BICRA: variants seen among roughly 807,000 people sequenced by gnomAD.
BICRA encodes the protein BRD4-interacting chromatin-remodeling complex-associated protein.
A neutral mutation model predicts 96.9 loss-of-function variants in BICRA; 31 were observed. The observed-to-expected ratio is 0.32, with a 90% CI of 0.24 to 0.43. BICRA has a LOEUF of 0.43. Among genes scored for constraint, BICRA ranks in the 20% least tolerant of loss-of-function variants. The pLI is 1.00. For synonymous variants in BICRA, 1,350 were observed against 1,071.8 expected, an observed-to-expected ratio of 1.26 and a Z score of -5.07; for missense variants, 2,283 against 2,190.3, an observed-to-expected ratio of 1.04 and a Z score of -0.84.
At chr19:47,660,793 C>G (rs1972692457) in intron 1 of BICRA, among the ~76,000 whole-genome samples, 1 of 152,194 alleles carries the variant, frequency 6.6e-6, no homozygotes, top group Admixed American at 6.5e-5. Context: ...GGTTCAAATC[C>G]TGGCTCTTGG....
intron 1 of BICRA, among the ~76,000 whole-genome samples, chr19:47,614,679 G>GTC (rs1373124208): frequency 2.0e-5 from 3 of 152,176 alleles, no homozygotes; most frequent in African/African-American, 7.2e-5. Flanking sequence ...TGGTAGTCTG[G>GTC]TCTATGCATT....
At chr19:47,691,161 T>C (rs1371334176) in intron 7 of BICRA, among the ~76,000 whole-genome samples, 2 of 152,240 alleles carry the variant, frequency 1.3e-5, no homozygotes, top group Non-Finnish European at 2.9e-5. Context: ...CGCTCACTTG[T>C]GTGGCTATTA....
intron 1 of BICRA, among the ~76,000 whole-genome samples, chr19:47,667,168 A>G (rs201977985): frequency 1.5e-3 from 233 of 151,556 alleles, no homozygotes; most frequent in African/African-American, 3.4e-3. Context: ...ACAGGCGCCC[A>G]CCCCCACGCC....
At chr19:47,611,031 A>G (rs1971898789) in intron 1 of BICRA, among the ~76,000 whole-genome samples, 1 of 152,252 alleles carries the variant, frequency 6.6e-6, no homozygotes, top group Non-Finnish European at 1.5e-5. Flanking sequence ...GGAAATAGAG[A>G]CGGGACAGAC....
Position 47,659,685 on chromosome 19 carries a change from TACACACACACACACAC to T in BICRA, c.-107-10725_-107-10710del, listed in dbSNP as rs10567798. Reference sequence around the variant, plus strand: ...CTGTGCAGCTGTACATGGTGGTGCATACACACACACACACACACACACACACACACACACACACACA... The same window carrying T: ...CTGTGCAGCTGTACATGGTGGTGCATACACACACACACACACACACACACA... On this transcript the variant is annotated intron_variant, in intron 1 of 14. Transcript: ENST00000594866. Among the ~76,000 whole-genome samples, 143 of 132,504 alleles carry T rather than the reference TACACACACACACACAC, an allele frequency of 1.1e-3. 1 individual carries two copies. Among genetic ancestry groups the T allele is most frequent in the African/African-American group, 3.3e-3 (118 of 35,758 alleles). The allele number at this position is 132,504 out of a possible 152,430, so 86.9% of individuals were successfully genotyped here. A position where few individuals can be genotyped will look rare whatever the true frequency, so the allele number is the denominator to read the frequency against.
At chr19:47,691,697 G>A (rs1003879126) in intron 7 of BICRA, among the ~76,000 whole-genome samples, 1 of 151,958 alleles carries the variant, frequency 6.6e-6, no homozygotes, top group Non-Finnish European at 1.5e-5. Flanking sequence ...CTGAGTGGCC[G>A]GGATTACAGG....
rs1400308790 is a variant in BICRA at position 47,701,850 on chromosome 19, G to T, written c.4118G>T (p.Arg1373Leu). Residue 1373 changes from arginine to leucine, a missense_variant, in exon 15 of 15, where the codon CGC becomes CTC. Physicochemically the swap from Arg to Leu is moderately radical, Grantham distance 102. Coordinates refer to ENST00000594866, the MANE Select transcript of BICRA (RefSeq NM_001394372.1). This position sits in a 1 kb window ranked among gnomAD's most constrained non-coding sequence, Gnocchi z 5.4. Reference sequence around the variant, plus strand: ...CACCCGCCGCCTGCCGCCCCCGAGCGCAAGCCCCTGGGCACCGCCCCGCAC... The same window carrying T: ...CACCCGCCGCCTGCCGCCCCCGAGCTCAAGCCCCTGGGCACCGCCCCGCAC... ...VDHPPPAAPE[R>L]KPLGTAPHCP... is the part of the protein sequence containing the mutation. 5 of 1,514,086 alleles carry T rather than the reference G, an allele frequency of 3.3e-6. No individual in the cohort carries two copies. In the Admixed American group the frequency reaches 1.0e-4, roughly 31 times the overall value. The allele number at this position is 1,514,086 out of a possible 1,614,324, so 93.8% of individuals were successfully genotyped here.
chr19:47,688,551 G>A (rs1599859192), intron 7 of BICRA, among the ~76,000 whole-genome samples: 1 of 152,228 alleles, frequency 6.6e-6, no homozygotes, highest in Non-Finnish European at 1.5e-5. Context: ...AACATTTTGG[G>A]AAGCCGAGTT....
At chr19:47,670,399 C>G (rs1031310237) in intron 1 of BICRA, 44 bp from the exon 2 acceptor site, 35 of 152,390 alleles carry the variant, frequency 2.3e-4, no homozygotes, top group African/African-American at 7.9e-4. Context: ...TTTTCCTTTT[C>G]GCTGACTTTC....
chr19:47,693,697 TCGC>T (rs1488045526), intron 7 of BICRA, among the ~76,000 whole-genome samples: 1 of 152,146 alleles, frequency 6.6e-6, no homozygotes, highest in Non-Finnish European at 1.5e-5. Flanking sequence ...GCTGCTGTGC[TCGC>T]CGCCCGGCCC....
In BICRA at chr19:47,634,623, AAAAC is replaced by A. The variant is rs1010771922; in HGVS notation, c.-108+25463_-108+25466del. Among the ~76,000 whole-genome samples the A allele has an allele frequency of 3.9e-5, 6 of 152,172 alleles. 1 individual carries two copies. The highest frequency in any genetic ancestry group is 4.2e-4 in the South Asian group (2 of 4,812). On this transcript the variant is annotated intron_variant, in intron 1 of 14. Transcript: ENST00000594866. ...CCCCAGGAAGAAACCCATAAAAACC[AAAAC>A]AAACAAAGCCTGCTTCTCTCCATCT...
chr19:47,698,860 C>A lies in BICRA; in HGVS notation c.3397+78C>A. The A allele has an allele frequency of 7.2e-7, 1 of 1,385,958 alleles. No homozygotes were observed. The highest frequency in any genetic ancestry group is 1.0e-6 in the Non-Finnish European group (1 of 997,388). 85.9% of individuals were successfully genotyped at this position (1,385,958 alleles called of 1,614,324 possible). A position where few individuals can be genotyped will look rare whatever the true frequency, so the allele number is the denominator to read the frequency against. On this transcript the variant is annotated intron_variant, in intron 12 of 14. Transcript: ENST00000594866. This position sits in a 1 kb window ranked among gnomAD's most constrained non-coding sequence, Gnocchi z 4.8. The stretch of plus-strand genomic sequence containing the variant: ...GGGGCGGGGCGTCGCCAGTGTGGAG[C>A]CGCAGGTCCACGGTGCGCTATGCTG...
chr19:47,684,625 C>T (rs1235294236), intron 7 of BICRA, among the ~76,000 whole-genome samples: 2 of 152,122 alleles, frequency 1.3e-5, no homozygotes, highest in African/African-American at 4.8e-5. Flanking sequence ...CGGCCTAGCA[C>T]TCTCTCATTT....
rs1973457478 is a variant in BICRA at position 47,701,857 on chromosome 19, C to A, written c.4125C>A (p.Pro1375=). 1 of 1,508,564 alleles carries A rather than the reference C, an allele frequency of 6.6e-7. No homozygotes were observed. Among genetic ancestry groups the A allele is most frequent in the Non-Finnish European group, 8.8e-7 (1 of 1,132,560 alleles). The allele number at this position is 1,508,564 out of a possible 1,614,324, so 93.4% of individuals were successfully genotyped here. Residue 1375 remains proline, a synonymous_variant, in exon 15 of 15, where the codon CCC becomes CCA. Coordinates refer to ENST00000594866, the MANE Select transcript of BICRA (RefSeq NM_001394372.1). This position sits in a 1 kb window ranked among gnomAD's most constrained non-coding sequence, Gnocchi z 5.4. ...CGCCTGCCGCCCCCGAGCGCAAGCC[C>A]CTGGGCACCGCCCCGCACTGCCCGC... ...HPPPAAPERK[P]LGTAPHCPRL...
chr19:47,624,140 C>T (rs528613476), intron 1 of BICRA, among the ~76,000 whole-genome samples: 2 of 152,300 alleles, frequency 1.3e-5, no homozygotes, highest in South Asian at 4.1e-4. Flanking sequence ...CGTGAGCCAA[C>T]ATGCCCGGCA....
At chr19:47,640,538 A>C (rs1467327300) in intron 1 of BICRA, among the ~76,000 whole-genome samples, 1 of 151,828 alleles carries the variant, frequency 6.6e-6, no homozygotes, top group Non-Finnish European at 1.5e-5. Flanking sequence ...AAAAGAAAAA[A>C]AAAAAAAAAA....
At chr19:47,627,880 C>G (rs904546581) in intron 1 of BICRA, among the ~76,000 whole-genome samples, 1 of 152,226 alleles carries the variant, frequency 6.6e-6, no homozygotes, top group Non-Finnish European at 1.5e-5. Context: ...AGCGATTCTT[C>G]TGCCTCAGCC....
At chr19:47,625,147 G>A (rs1031466948) in intron 1 of BICRA, among the ~76,000 whole-genome samples, 2 of 151,584 alleles carry the variant, frequency 1.3e-5, no homozygotes, top group African/African-American at 4.9e-5. Context: ...TTACAGGCGT[G>A]AGCCACCACG....
chr19:47,679,468 C>A lies in BICRA; in HGVS notation c.298C>A (p.Pro100Thr). The part of the protein sequence containing the change: ...GGGGSGGADQ[P>T]CDILQQSLQE... The stretch of plus-strand genomic sequence containing the variant: ...CGGGGGCAGTGGGGGCGCTGACCAG[C>A]CCTGTGACATCCTCCAGCAGAGCCT... Residue 100 changes from proline to threonine, a missense_variant, in exon 6 of 15, where the codon CCC becomes ACC. Transcript: ENST00000594866. 6.5e-7 allele frequency: 1 copy of A among 1,531,436 alleles called. No individual in the cohort carries two copies. The highest frequency in any genetic ancestry group is 8.8e-7 in the Non-Finnish European group (1 of 1,139,060). The allele number at this position is 1,531,436 out of a possible 1,614,324, so 94.9% of individuals were successfully genotyped here.
Sources: allele counts gnomAD v4.1 joint callset (sites outside exome capture counted in the v4.1 genomes callset), GRCh38; gene constraint gnomAD v4.1.1; non-coding constraint Gnocchi (gnomAD v3.1); transcripts MANE v1.5; gene names NCBI Gene and HGNC (gene_info 2026-07-23, HGNC 2026-07-21).